ARHGAP17: variants seen among roughly 807,000 people sequenced by gnomAD.
ARHGAP17 encodes rho GTPase-activating protein 17.
ARHGAP17 carries 57 observed loss-of-function variants against 99.5 expected under a neutral mutation model. That is an observed-to-expected ratio of 0.57 (90% CI 0.46 to 0.71). The LOEUF is 0.71. ARHGAP17 is among the 30% of genes least tolerant of loss of function. The pLI is 0.00. For missense variants in ARHGAP17, 1,000 were observed against 1,122.4 expected, an observed-to-expected ratio of 0.89 and a Z score of 1.56; for synonymous variants, 417 against 429.6, an observed-to-expected ratio of 0.97 and a Z score of 0.36.
intron 1 of ARHGAP17, among the ~76,000 whole-genome samples, chr16:25,012,501 G>T (rs1232161973): frequency 6.6e-6 from 1 of 151,982 alleles, no homozygotes; most frequent in Non-Finnish European, 1.5e-5. Context: ...TAGATCGCAG[G>T]GGCGAAAACA....
At chr16:24,941,694 G>T in intron 16 of ARHGAP17, 2 of 354,510 alleles carry the variant, frequency 5.6e-6, no homozygotes, top group South Asian at 3.4e-5. Flanking sequence ...CGTACATCTG[G>T]GTCACTTTTA....
At chr16:24,922,928 C>T (rs747974633) in intron 19 of ARHGAP17, among the ~76,000 whole-genome samples, 5 of 152,102 alleles carry the variant, frequency 3.3e-5, no homozygotes, top group African/African-American at 9.7e-5. Flanking sequence ...CCTCCCACCT[C>T]GGCTCCCCAA....
intron 18 of ARHGAP17, among the ~76,000 whole-genome samples, chr16:24,933,311 C>T (rs2051044828): frequency 6.6e-6 from 1 of 151,578 alleles, no homozygotes; most frequent in African/African-American, 2.4e-5. Context: ...ACAGTGAGAC[C>T]CCGACTCTAC....
chr16:25,013,340 G>T (rs537744633), intron 1 of ARHGAP17, among the ~76,000 whole-genome samples: 11 of 152,094 alleles, frequency 7.2e-5, no homozygotes, highest in Non-Finnish European at 1.5e-4. Context: ...AAATGTGAAG[G>T]TGCCAGGCAA....
intron 7 of ARHGAP17, among the ~76,000 whole-genome samples, chr16:24,961,560 T>C (rs1427867642): frequency 7.3e-6 from 1 of 136,912 alleles, no homozygotes; most frequent in Admixed American, 7.4e-5. Context: ...GGAGTCTTGC[T>C]TGCTCTGTAG....
chr16:24,919,993 C>T lies in ARHGAP17; in HGVS notation c.*137G>A, dbSNP rs115268347. The T allele has an allele frequency of 3.3e-3, 4,248 of 1,287,994 alleles. 110 individuals are homozygous for T. The African/African-American group carries it at 0.055, about 17-fold the overall frequency. 79.8% of individuals were successfully genotyped at this position (1,287,994 alleles called of 1,614,324 possible). ...GGTTCTCCTTGGGCCGTGCAGAAGG[C>T]CAGGTCCCGCACAGTGAGGCCCTCC... On this transcript the variant is annotated 3_prime_UTR_variant, in exon 20 of 20. Transcript: ENST00000289968.
chr16:24,984,875 A>G (rs2052809688), intron 1 of ARHGAP17, among the ~76,000 whole-genome samples: 1 of 152,180 alleles, frequency 6.6e-6, no homozygotes, highest in Non-Finnish European at 1.5e-5. Context: ...AAATGGGAAA[A>G]AAAACCACAG....
chr16:24,966,630 TA>T (rs963581875), intron 6 of ARHGAP17, among the ~76,000 whole-genome samples: 382 of 141,744 alleles, frequency 2.7e-3, no homozygotes, highest in Middle Eastern at 7.3e-3. Flanking sequence ...GACTCCATCT[TA>T]AAAAAAAAAA....
Position 24,979,011 on chromosome 16 carries a change from G to A in ARHGAP17, c.54-6C>T. The A allele has an allele frequency of 6.3e-7, 1 of 1,578,096 alleles. No homozygotes were observed. The highest frequency in any genetic ancestry group is 8.6e-7 in the Non-Finnish European group (1 of 1,164,954). ...GGACTTCTGTTTTCTCAGCTCTGTG[G>A]GAAAAATTAAAAATTCAGAGTTAGA... On this transcript the variant is annotated splice_polypyrimidine_tract_variant and splice_region_variant and intron_variant, in intron 1 of 19. Transcript: ENST00000289968.
intron 6 of ARHGAP17, among the ~76,000 whole-genome samples, chr16:24,966,083 A>C (rs1171367527): frequency 3.3e-5 from 5 of 152,266 alleles, no homozygotes; most frequent in Admixed American, 1.3e-4. Flanking sequence ...AATAATGCTC[A>C]ACCAACTCTA....
intron 1 of ARHGAP17, among the ~76,000 whole-genome samples, chr16:24,999,403 A>T (rs1222206545): frequency 6.6e-6 from 1 of 150,662 alleles, no homozygotes; most frequent in Non-Finnish European, 1.5e-5. Flanking sequence ...CAGGTGTTTT[A>T]TTTATTTATT....
At chr16:25,002,978 G>T (rs550253980) in intron 1 of ARHGAP17, among the ~76,000 whole-genome samples, 33 of 141,878 alleles carry the variant, frequency 2.3e-4, no homozygotes, top group Admixed American at 6.6e-4. Flanking sequence ...GACGGAGGTT[G>T]CAGTGAGCCG....
chr16:24,935,807 T>G (rs1249736056), intron 17 of ARHGAP17, 168 bp from the exon 18 acceptor site: 7 of 744,730 alleles, frequency 9.4e-6, no homozygotes, highest in Non-Finnish European at 1.3e-5. Context: ...AATGTTTACT[T>G]GGTGCCATAT....
chr16:24,941,919 C>A (rs1395745977), intron 16 of ARHGAP17, 68 bp downstream of exon 16: 6 of 1,605,466 alleles, frequency 3.7e-6, no homozygotes, highest in East Asian at 4.5e-5. Flanking sequence ...GTCCACTGAG[C>A]GATACCAGAT....
chr16:25,003,179 C>T (rs1391686421), intron 1 of ARHGAP17, among the ~76,000 whole-genome samples: 1 of 150,230 alleles, frequency 6.7e-6, no homozygotes, highest in Non-Finnish European at 1.5e-5. Flanking sequence ...GGGCAAAGGT[C>T]TCCATCAGCT....
intron 12 of ARHGAP17, 61 bp from the exon 13 acceptor site, chr16:24,949,545 G>A: frequency 6.9e-7 from 1 of 1,441,952 alleles, no homozygotes; most frequent in Non-Finnish European, 9.6e-7. Context: ...TTATTAATAT[G>A]CTATGTTAAA....
intron 14 of ARHGAP17, among the ~76,000 whole-genome samples, chr16:24,944,838 G>A (rs533567915): frequency 3.3e-5 from 5 of 151,630 alleles, no homozygotes; most frequent in African/African-American, 9.7e-5. Context: ...GGATGGTCTC[G>A]ATCTCCTGAC....
intron 2 of ARHGAP17, 31 bp from the exon 3 acceptor site, chr16:24,977,350 T>C: frequency 6.5e-7 from 1 of 1,533,668 alleles, no homozygotes; most frequent in Admixed American, 1.8e-5. Context: ...GAGAACAAAT[T>C]CATCCTCTTT....
chr16:24,963,381 G>A (rs1234656452), intron 7 of ARHGAP17, among the ~76,000 whole-genome samples: 1 of 151,900 alleles, frequency 6.6e-6, no homozygotes, highest in African/African-American at 2.4e-5. Flanking sequence ...ACTGATCAAG[G>A]TTTGCTATTT....
Sources: gnomAD v4.1 joint callset for allele counts (sites outside exome capture counted in the v4.1 genomes callset) on GRCh38, gnomAD v4.1.1 for gene constraint, MANE v1.5 for transcripts, NCBI Gene and HGNC (gene_info 2026-07-23, HGNC 2026-07-21) for gene names.